Variants in ZFYVE16 observed in about 807,000 individuals in gnomAD.
ZFYVE16 encodes the protein zinc finger FYVE domain-containing protein 16.
Under a neutral mutation model 138.1 loss-of-function variants are expected in ZFYVE16, and 89 were observed. The ratio of observed to expected loss-of-function variants is 0.64; its 90% CI spans 0.54 to 0.77. The LOEUF is 0.77. Ranked by LOEUF, ZFYVE16 falls within the 30% of genes least tolerant of loss-of-function variation. The probability of loss-of-function intolerance (pLI) is 0.00; values close to 1 mark genes in which losing one functional copy is unlikely to be tolerated. For missense variants in ZFYVE16, 1,793 were observed against 1,786.7 expected, an observed-to-expected ratio of 1.00 and a Z score of -0.06; for synonymous variants, 596 against 618.3, an observed-to-expected ratio of 0.96 and a Z score of 0.53.
chr5:80,440,704 G>GTGTGTGTGTGTGTGTGT, intron 5 of ZFYVE16: 1 of 943,402 alleles, frequency 1.1e-6, no homozygotes, highest in East Asian at 1.2e-4. Flanking sequence ...GTGTGTGTGT[G>GTGTGTGTGTGTGTGTGT]GTGTTTTTTT....
intron 1 of ZFYVE16, among the ~76,000 whole-genome samples, chr5:80,417,754 G>C (rs1746473634): frequency 6.6e-6 from 1 of 152,108 alleles, no homozygotes. Context: ...CCAGTTTTTG[G>C]CAGTTATGAA....
At position 80,426,290 on chromosome 5, in the gene ZFYVE16, AT is replaced by A. The variant is rs1561246540; in HGVS notation, c.-93-1201del. On this transcript the variant is annotated intron_variant, in intron 1 of 18. Coordinates refer to ENST00000505560, the MANE Select transcript of ZFYVE16 (RefSeq NM_001284236.3). ...TGTGTGTGTATATATATATATATAT[AT>A]ATAATTAAATTTAAAGTTCCAGGAT... 1.0e-3 allele frequency among the ~76,000 whole-genome samples: 57 copies of A among 55,304 alleles called. 1 individual carries two copies. Among genetic ancestry groups the A allele is most frequent in the Middle Eastern group, 8.3e-3 (1 of 120 alleles). 36.3% of individuals were successfully genotyped at this position (55,304 alleles called of 152,430 possible). A position where few individuals can be genotyped will look rare whatever the true frequency, so the allele number is the denominator to read the frequency against.
At chr5:80,461,221 C>A (rs527525494) in intron 15 of ZFYVE16, among the ~76,000 whole-genome samples, 19 of 152,006 alleles carry the variant, frequency 1.2e-4, no homozygotes, top group African/African-American at 4.1e-4. Flanking sequence ...TTCCAAAATC[C>A]AAAAAAAGTC....
chr5:80,420,969 CTT>C (rs1265332939), intron 1 of ZFYVE16, among the ~76,000 whole-genome samples: 2 of 152,216 alleles, frequency 1.3e-5, no homozygotes, highest in Non-Finnish European at 2.9e-5. Context: ...TGTTTCCTGA[CTT>C]TTTAATGATC....
intron 6 of ZFYVE16, 60 bp downstream of exon 6, chr5:80,443,344 A>G (rs1750930344): frequency 6.5e-7 from 1 of 1,546,964 alleles, no homozygotes. Context: ...AAATTCTCTA[A>G]TGTAGCCAGA....
chr5:80,412,360 A>G (rs1345379638), intron 1 of ZFYVE16, among the ~76,000 whole-genome samples: 1 of 152,198 alleles, frequency 6.6e-6, no homozygotes, highest in Non-Finnish European at 1.5e-5. Context: ...AAAATAAGTT[A>G]TATGTATACA....
chr5:80,458,380 T>C (rs1437019351), intron 14 of ZFYVE16, among the ~76,000 whole-genome samples: 3 of 152,306 alleles, frequency 2.0e-5, no homozygotes, highest in African/African-American at 4.8e-5. Flanking sequence ...TCAGTTCTTA[T>C]ATATCCTTTC....
rs140225297 is a variant in ZFYVE16, at chr5:80,409,337, A to G, written c.-94+1184A>G. ...GCCAAATCCGCATTAATTATCCTCA[A>G]TCATAATGTTACATGATAGAATAGT... On this transcript the variant is annotated intron_variant, in intron 1 of 18. Coordinates refer to ENST00000505560, the MANE Select transcript of ZFYVE16 (RefSeq NM_001284236.3). Among the ~76,000 whole-genome samples the G allele has an allele frequency of 1.8e-4, 27 of 152,360 alleles. No individual in the cohort carries two copies. The East Asian group carries it at 4.0e-3, about 23-fold the overall frequency.
In ZFYVE16 at chr5:80,474,938, A is replaced by C. The variant is rs1035904198; in HGVS notation, c.4461+108A>C. ...GAAAGGGAACGAAAATTTGTTGAGC[A>C]TCAAATGTGTGCTACACACTTCACA... On this transcript the variant is annotated intron_variant, in intron 18 of 18. Transcript: ENST00000505560. The C allele has an allele frequency of 3.2e-4, 387 of 1,198,702 alleles. 2 individuals are homozygous for C. The highest frequency in any genetic ancestry group is 3.4e-4 in the Non-Finnish European group (298 of 869,328). 74.3% of individuals were successfully genotyped at this position (1,198,702 alleles called of 1,614,324 possible). A position where few individuals can be genotyped will look rare whatever the true frequency, so the allele number is the denominator to read the frequency against.
chr5:80,411,579 A>G (rs1430894832), intron 1 of ZFYVE16: 2 of 152,218 alleles, frequency 1.3e-5, no homozygotes, highest in Non-Finnish European at 2.9e-5. Flanking sequence ...TTTTAGGAAC[A>G]TGAGTTGTGA....
chr5:80,457,341 G>A (rs548307122), intron 14 of ZFYVE16, among the ~76,000 whole-genome samples: 10 of 152,168 alleles, frequency 6.6e-5, no homozygotes, highest in South Asian at 4.1e-4. Flanking sequence ...AGTATATCCC[G>A]TAGGGTGAGA....
chr5:80,443,893 G>C, intron 6 of ZFYVE16: 1 of 455,552 alleles, frequency 2.2e-6, no homozygotes, highest in Non-Finnish European at 4.4e-6. Flanking sequence ...CCACTGTAGA[G>C]GGTGAGCTTG....
Position 80,436,783 on chromosome 5 carries a change from A to C in ZFYVE16, c.98A>C (p.Gln33Pro). 6 of 1,613,396 alleles carry C rather than the reference A, an allele frequency of 3.7e-6. No individual in the cohort carries two copies. The highest frequency in any genetic ancestry group is 5.1e-6 in the Non-Finnish European group (6 of 1,179,620). The change falls in exon 4 of 19, where the codon CAA (glutamine) becomes CCA (proline). Residue 33 changes from glutamine (Q) to proline (P), a missense_variant. Coordinates refer to ENST00000505560, the MANE Select transcript of ZFYVE16 (RefSeq NM_001284236.3). ...PDEQDYLQDV[Q>P]NAYDSNHCSV... Reference sequence around the variant, plus strand: ...GAACAAGATTATCTCCAAGATGTACAAAATGCATATGATTCTAACCACTGC... The same window carrying C: ...GAACAAGATTATCTCCAAGATGTACCAAATGCATATGATTCTAACCACTGC...
chr5:80,463,546 G>C (rs148221474), intron 15 of ZFYVE16, among the ~76,000 whole-genome samples: 5 of 152,276 alleles, frequency 3.3e-5, no homozygotes, highest in African/African-American at 1.2e-4. Context: ...GTATGCCCTA[G>C]AGACATTTTC....
chr5:80,442,076 G>A (rs1444084315), intron 5 of ZFYVE16: 8 of 363,816 alleles, frequency 2.2e-5, no homozygotes, highest in Admixed American at 1.3e-4. Flanking sequence ...GTGTAAGAGT[G>A]ATAGATAGTT....
intron 2 of ZFYVE16, among the ~76,000 whole-genome samples, chr5:80,430,384 A>G (rs1205436594): frequency 6.6e-6 from 1 of 151,798 alleles, no homozygotes; most frequent in African/African-American, 2.4e-5. Flanking sequence ...ATGTTCTTTG[A>G]AACCAACGAG....
chr5:80,441,140 C>G (rs1371285906), intron 5 of ZFYVE16: 1 of 985,304 alleles, frequency 1.0e-6, no homozygotes, highest in East Asian at 1.1e-4. Flanking sequence ...TTAGCCAAGG[C>G]AATCTGCTAG....
At chr5:80,443,776 CT>C (rs1046784634) in intron 6 of ZFYVE16, 13 of 456,150 alleles carry the variant, frequency 2.8e-5, no homozygotes, top group African/African-American at 2.2e-4. Flanking sequence ...TTCTTCCCAC[CT>C]TATGGTCTCC....
In ZFYVE16 at chr5:80,434,127, C is replaced by G. The variant is rs375888570; in HGVS notation, c.-21C>G. ...TTTTTAGGCATACAAGAATTAAATT[C>G]TGAATAAGTCTGCAGGTAGGATGGA... On this transcript the variant is annotated 5_prime_UTR_variant, in exon 3 of 19. Transcript: ENST00000505560. The G allele has an allele frequency of 8.4e-5, 135 of 1,603,838 alleles. No individual in the cohort carries two copies. The highest frequency in any genetic ancestry group is 2.0e-4 in the Admixed American group (12 of 59,372).
Sources: allele counts gnomAD v4.1 joint callset (sites outside exome capture counted in the v4.1 genomes callset), GRCh38; gene constraint gnomAD v4.1.1; transcripts MANE v1.5; gene names NCBI Gene and HGNC (gene_info 2026-07-23, HGNC 2026-07-21).